PAX3: variants seen among roughly 807,000 people sequenced by gnomAD.
PAX3 encodes the protein paired box protein Pax-3.
PAX3 carries 14 observed loss-of-function variants against 51.6 expected under a neutral mutation model. The observed-to-expected ratio is 0.27, with a 90% confidence interval of 0.18 to 0.42. The LOEUF is 0.42. Among genes scored for constraint, PAX3 ranks in the 10% least tolerant of loss-of-function variants. The pLI, the probability that PAX3 is intolerant of heterozygous loss-of-function variation, is 1.00. For synonymous variants in PAX3, 280 were observed against 253.4 expected (o/e 1.11, Z -1.00); for missense variants, 540 against 642.8 (o/e 0.84, Z 1.73).
chr2:222,200,863 T>G lies in PAX3; in HGVS notation c.*545A>C, dbSNP rs1317979560. Reference sequence around the variant, plus strand: ...CTAAAAATGGTTGCATTTATCTTTATTTCAATTTCCAGTGTGTAAGAGTCA... The same window carrying G: ...CTAAAAATGGTTGCATTTATCTTTAGTTCAATTTCCAGTGTGTAAGAGTCA... On this transcript the variant is annotated 3_prime_UTR_variant, in exon 9 of 9. Transcript: ENST00000392070. 3.9e-5 allele frequency: 16 copies of G among 411,218 alleles called. No individual in the cohort carries two copies. Among genetic ancestry groups the G allele is most frequent in the Non-Finnish European group, 7.0e-5 (16 of 228,634 alleles). 25.5% of individuals were successfully genotyped at this position (411,218 alleles called of 1,614,324 possible).
At chr2:222,228,310 G>A (rs1037647763) in intron 5 of PAX3, among the ~76,000 whole-genome samples, 9 of 152,252 alleles carry the variant, frequency 5.9e-5, no homozygotes, top group African/African-American at 1.7e-4. Context: ...CAGCTGTTAC[G>A]TTAATGAAGG....
chr2:222,266,257 C>T (rs899787649), intron 4 of PAX3, among the ~76,000 whole-genome samples: 2 of 152,170 alleles, frequency 1.3e-5, no homozygotes, highest in Non-Finnish European at 2.9e-5. Flanking sequence ...GCAAGAGTCC[C>T]AAAGTTTAGG....
intron 4 of PAX3, among the ~76,000 whole-genome samples, chr2:222,283,227 A>G (rs1365709133): frequency 6.6e-6 from 1 of 152,264 alleles, no homozygotes; most frequent in African/African-American, 2.4e-5. Context: ...GACATTATGC[A>G]GAATAATTCC....
At chr2:222,206,138 AT>A (rs11366818) in intron 7 of PAX3, among the ~76,000 whole-genome samples, 17,866 of 148,242 alleles carry the variant, frequency 0.12, 1,216 homozygotes, top group Middle Eastern at 0.15. Context: ...TTTTGTACCA[AT>A]TTTTTTTTTT....
At chr2:222,203,987 G>A (rs1410471185) in intron 7 of PAX3, among the ~76,000 whole-genome samples, 2 of 152,028 alleles carry the variant, frequency 1.3e-5, no homozygotes, top group Non-Finnish European at 2.9e-5. Context: ...GGCTGGTGTG[G>A]GCAAAGCAAC....
intron 4 of PAX3, among the ~76,000 whole-genome samples, chr2:222,286,688 T>C (rs1421954251): frequency 6.6e-6 from 1 of 152,252 alleles, no homozygotes; most frequent in Non-Finnish European, 1.5e-5. Flanking sequence ...GTGCATCAAA[T>C]CAAATTCTTA....
chr2:222,294,439 C>T (rs908980937), intron 3 of PAX3, 138 bp from the exon 4 acceptor site: 3 of 866,642 alleles, frequency 3.5e-6, no homozygotes, highest in Non-Finnish European at 5.6e-6. Flanking sequence ...GGTGTCTCCT[C>T]CTGCATCTCT....
chr2:222,276,446 G>T (rs1326475564), intron 4 of PAX3, among the ~76,000 whole-genome samples: 1 of 152,164 alleles, frequency 6.6e-6, no homozygotes, highest in South Asian at 2.1e-4. Flanking sequence ...GAAGGGTCCC[G>T]GTCCTCTCCA....
chr2:222,264,420 TC>T (rs1479500737), intron 4 of PAX3: 1 of 152,174 alleles, frequency 6.6e-6, no homozygotes, highest in Non-Finnish European at 1.5e-5. Flanking sequence ...GCTTAATGGG[TC>T]CCAGGTTTTC....
Position 222,201,071 on chromosome 2 carries a change from G to T in PAX3, c.*337C>A. On this transcript the variant is annotated 3_prime_UTR_variant, in exon 9 of 9. Coordinates refer to ENST00000392070, the MANE Select transcript of PAX3 (RefSeq NM_181458.4). ...CACACACACGCACGCACGCACACAA[G>T]CAAATGGAATGTTCTAGCTCCTCGA... The T allele has an allele frequency of 7.8e-7, 1 of 1,288,662 alleles. No homozygotes were observed. 79.8% of individuals were successfully genotyped at this position (1,288,662 alleles called of 1,614,324 possible).
chr2:222,232,163 C>A lies in PAX3; in HGVS notation c.707G>T (p.Arg236Leu). The A allele has an allele frequency of 6.2e-7, 1 of 1,614,060 alleles. No individual in the cohort carries two copies. The highest frequency in any genetic ancestry group is 8.5e-7 in the Non-Finnish European group (1 of 1,179,970). ...AGGGTAATGAGTTCTCTCAAAAGCA[C>A]GCTCCAGTTCCTCCAGCTGTTCTGC... ...FTAEQLEELERAFERTHYPDI... is the reference protein window; with the variant it reads ...FTAEQLEELELAFERTHYPDI... The change falls in exon 5 of 9, where the codon CGT (arginine) becomes CTT (leucine). Residue 236 changes from arginine (R) to leucine (L), a missense_variant. By Grantham distance (102) the Arg-to-Leu change is moderately radical. This residue lies in a region of PAX3 where 427 missense variants were observed against 483.6 expected (regional missense o/e 0.88). Transcript: ENST00000392070.
At position 222,267,118 on chromosome 2, in the gene PAX3, A is replaced by G. The variant is rs138607192; in HGVS notation, c.586+27049T>C. On this transcript the variant is annotated intron_variant, in intron 4 of 8. Coordinates refer to ENST00000392070, the MANE Select transcript of PAX3 (RefSeq NM_181458.4). ...GTTCAAGAAGGTGGGAAAAGTTAAA[A>G]TGGGAGACAAAAAGTAACTCAAAGT... is the stretch of plus-strand genomic sequence containing the variant. 5.3e-4 allele frequency among the ~76,000 whole-genome samples: 80 copies of G among 152,374 alleles called. No individual in the cohort carries two copies. The East Asian group carries it at 0.012, about 23-fold the overall frequency.
intron 4 of PAX3, among the ~76,000 whole-genome samples, chr2:222,240,076 G>A (rs901784648): frequency 6.6e-6 from 1 of 152,046 alleles, no homozygotes; most frequent in Non-Finnish European, 1.5e-5. Context: ...CCAGGTTGGG[G>A]CTAATCAAAA....
At chr2:222,294,878 T>C (rs993461620) in intron 3 of PAX3, among the ~76,000 whole-genome samples, 3 of 148,484 alleles carry the variant, frequency 2.0e-5, no homozygotes, top group Non-Finnish European at 4.5e-5. Flanking sequence ...ATTGTAAAAA[T>C]CAAAAGAAAA....
intron 7 of PAX3, 144 bp downstream of exon 7, chr2:222,219,996 G>GA: frequency 1.4e-6 from 1 of 735,126 alleles, no homozygotes. Context: ...GGAGAGAAAG[G>GA]AAACCAGAAA....
At chr2:222,239,078 C>T (rs1406409529) in intron 4 of PAX3, among the ~76,000 whole-genome samples, 1 of 152,228 alleles carries the variant, frequency 6.6e-6, no homozygotes, top group East Asian at 1.9e-4. Context: ...TATTCCTTTG[C>T]AGACCCAGAG....
At chr2:222,290,995 G>C (rs1695012805) in intron 4 of PAX3, among the ~76,000 whole-genome samples, 1 of 152,202 alleles carries the variant, frequency 6.6e-6, no homozygotes, top group South Asian at 2.1e-4. Flanking sequence ...GGACATAAAG[G>C]AGGCAATTGA....
intron 4 of PAX3, among the ~76,000 whole-genome samples, chr2:222,245,620 TAA>T (rs1693197569): frequency 1.3e-5 from 2 of 149,074 alleles, no homozygotes; most frequent in Non-Finnish European, 3.0e-5. Flanking sequence ...TGGGAGAGAG[TAA>T]AGGAGGGGAG....
chr2:222,258,869 T>C (rs887788352), intron 4 of PAX3, among the ~76,000 whole-genome samples: 2 of 152,224 alleles, frequency 1.3e-5, no homozygotes, highest in Non-Finnish European at 2.9e-5. Flanking sequence ...AAGTCTCTTA[T>C]TGGTGATGCT....
Sources: allele counts gnomAD v4.1 joint callset (sites outside exome capture counted in the v4.1 genomes callset), GRCh38; gene constraint gnomAD v4.1.1; regional missense constraint gnomAD v4.1.1; transcripts MANE v1.5; gene names NCBI Gene and HGNC (gene_info 2026-07-23, HGNC 2026-07-21).